RSKR: variants seen among roughly 807,000 people sequenced by gnomAD.
RSKR encodes the protein ribosomal protein S6 kinase related.
RSKR carries 44 observed loss-of-function variants against 56.8 expected under a neutral mutation model. The ratio of observed to expected loss-of-function variants is 0.77; its 90% CI spans 0.61 to 1.00. The LOEUF (loss-of-function observed/expected upper bound fraction) is 1.00. Among genes scored for constraint, RSKR ranks in the 50% least tolerant of loss-of-function variants. The pLI is 0.00. For synonymous variants in RSKR, 181 were observed against 188.0 expected (o/e 0.96, Z 0.30); for missense variants, 510 against 506.9 (o/e 1.01, Z -0.06).
chr17:28,608,788 A>G lies in RSKR; in HGVS notation c.*1690T>C, dbSNP rs2070775653. Reference sequence around the variant, plus strand: ...CTCAATCTAGAGACAAAATTAATAAATAGAACTAAAGAGTACTCTCCAGAC... The same window carrying G: ...CTCAATCTAGAGACAAAATTAATAAGTAGAACTAAAGAGTACTCTCCAGAC... On this transcript the variant is annotated 3_prime_UTR_variant, in exon 12 of 12. Coordinates refer to ENST00000301037, the MANE Select transcript of RSKR (RefSeq NM_001174103.2). 1 of 152,196 alleles carries G rather than the reference A, an allele frequency of 6.6e-6. No individual in the cohort carries two copies. 9.4% of individuals were successfully genotyped at this position (152,196 alleles called of 1,614,324 possible).
In RSKR at chr17:28,611,755, G is replaced by T. The variant is rs771775124; in HGVS notation, c.721+13C>A. The T allele has an allele frequency of 3.1e-6, 5 of 1,614,002 alleles. No individual in the cohort carries two copies. Among genetic ancestry groups the T allele is most frequent in the Non-Finnish European group, 4.2e-6 (5 of 1,180,004 alleles). On this transcript the variant is annotated intron_variant, in intron 8 of 11. Transcript: ENST00000301037. ...ACCTCTCATCCTGGGGCTAAGGAAG[G>T]AAAAAGACTTACCTCGTTCATCTAG...
At chr17:28,611,534 C>A in intron 9 of RSKR, 33 bp downstream of exon 9, 1 of 1,563,810 alleles carries the variant, frequency 6.4e-7, no homozygotes, top group South Asian at 1.2e-5. Context: ...TCCTCCTGCC[C>A]AATGCTTACC....
At chr17:28,613,204 C>T in intron 3 of RSKR, 58 bp from the exon 4 acceptor site, 1 of 1,613,388 alleles carries the variant, frequency 6.2e-7, no homozygotes, top group Non-Finnish European at 8.5e-7. Flanking sequence ...TTTATTCCTC[C>T]CAACCTCTCT....
Position 28,611,224 on chromosome 17 carries a change from C to G in RSKR, c.930G>C (p.Val310=). The G allele has an allele frequency of 6.5e-7, 1 of 1,536,178 alleles. No homozygotes were observed. The highest frequency in any genetic ancestry group is 1.2e-5 in the South Asian group (1 of 84,068). The change falls in exon 11 of 12, where the codon GTG becomes GTC. Residue 310 remains valine (V), a synonymous_variant. Transcript: ENST00000301037. ...KFPVAAERDH[V]AMLASVTHSD... ...TGTGGGTCACACTTGCCAACATGGC[C>G]ACATGATCTCTCTCTGCAGCCACTG...
intron 5 of RSKR, 125 bp downstream of exon 5, chr17:28,612,492 CT>C: frequency 7.2e-7 from 1 of 1,387,616 alleles, no homozygotes; most frequent in Non-Finnish European, 1.0e-6. Context: ...GTTCCCCTCC[CT>C]TTGGGACAGA....
At position 28,612,034 on chromosome 17, in the gene RSKR, TTAAC is replaced by T. The variant is rs1430625922; in HGVS notation, c.693+6_693+9del. On this transcript the variant is annotated splice_donor_region_variant and intron_variant, in intron 7 of 11. Coordinates refer to ENST00000301037, the MANE Select transcript of RSKR (RefSeq NM_001174103.2). ...TTCTCAGACAAAGGGAAAAAAGCAC[TTAAC>T]TCTACCTTCACATCTCGATGCATGA... 6.2e-7 allele frequency: 1 copy of T among 1,614,090 alleles called. No individual in the cohort carries two copies. Among genetic ancestry groups the T allele is most frequent in the African/African-American group, 1.3e-5 (1 of 74,928 alleles).
intron 2 of RSKR, 26 bp from the exon 3 acceptor site, chr17:28,613,371 C>A: frequency 6.2e-7 from 1 of 1,614,144 alleles, no homozygotes; most frequent in Non-Finnish European, 8.5e-7. Context: ...GAGAACAGGC[C>A]AGTTGAGACT....
In RSKR at chr17:28,613,270, C is replaced by T; in HGVS notation, c.400G>A (p.Ala134Thr). Residue 134 changes from alanine to threonine, a missense_variant, in exon 3 of 12, where the codon GCA becomes ACA. Transcript: ENST00000301037. ...VLDCTQKAVF[A>T]VKVVPKVKVL... is the part of the protein sequence containing the mutation. Reference sequence around the variant, plus strand: ...GGTATCTACGCCCCTACCTTCACTGCAAATACAGCTTTCTGGGTGCAATCT... The same window carrying T: ...GGTATCTACGCCCCTACCTTCACTGTAAATACAGCTTTCTGGGTGCAATCT... 1 of 1,614,176 alleles carries T rather than the reference C, an allele frequency of 6.2e-7. No homozygotes were observed. Among genetic ancestry groups the T allele is most frequent in the Non-Finnish European group, 8.5e-7 (1 of 1,180,038 alleles).
Position 28,611,479 on chromosome 17 carries a change from G to A in RSKR, c.814C>T (p.Pro272Ser), listed in dbSNP as rs1311133129. ...TAAGGTCCTCCACTTAGGACCTCTG[G>A]GGCTACAGATTTCAAAGATACTCAT... ...TICGTLQYMA[P>S]EVLSGGPYNH... Residue 272 changes from proline to serine, a missense_variant and splice_region_variant, in exon 10 of 12, where the codon CCA becomes TCA. Coordinates refer to ENST00000301037, the MANE Select transcript of RSKR (RefSeq NM_001174103.2). The A allele has an allele frequency of 6.3e-7, 1 of 1,595,982 alleles. No homozygotes were observed. The highest frequency in any genetic ancestry group is 1.4e-5 in the African/African-American group (1 of 73,762).
chr17:28,610,219 T>G lies in RSKR; in HGVS notation c.*259A>C. ...CTGAGGGTAAAGAGCACTGGAGAAG[T>G]AAAGAAAAGGAAAAGGTCACCACCC... On this transcript the variant is annotated 3_prime_UTR_variant, in exon 12 of 12. Transcript: ENST00000301037. The G allele has an allele frequency of 4.5e-6, 2 of 447,198 alleles. No individual in the cohort carries two copies. The highest frequency in any genetic ancestry group is 3.2e-5 in the South Asian group (1 of 31,700). 27.7% of individuals were successfully genotyped at this position (447,198 alleles called of 1,614,324 possible).
In RSKR at chr17:28,610,523, A is replaced by G; in HGVS notation, c.1188T>C (p.Phe396=). ...GCAAGAAGGACTCCAGATCACAGTC[A>G]AAGTCGTCAAAGGGCATGGTCTCCG... ...SSAETMPFDD[F]DCDLESFLLY... is the part of the protein sequence containing the mutation. Residue 396 remains phenylalanine (F), a synonymous_variant, in exon 12 of 12, where the codon TTT becomes TTC. Coordinates refer to ENST00000301037, the MANE Select transcript of RSKR (RefSeq NM_001174103.2). 6.5e-7 allele frequency: 1 copy of G among 1,536,078 alleles called. No homozygotes were observed. The highest frequency in any genetic ancestry group is 8.7e-7 in the Non-Finnish European group (1 of 1,146,882).
Position 28,612,359 on chromosome 17 carries a change from G to A in RSKR, c.555C>T (p.Ser185=). The A allele has an allele frequency of 6.2e-7, 1 of 1,614,018 alleles. No homozygotes were observed. Among genetic ancestry groups the A allele is most frequent in the Non-Finnish European group, 8.5e-7 (1 of 1,179,884 alleles). ...QGKRHLFIMC[S]YCSTDLYSLW... is the part of the protein sequence containing the mutation. ...GGGAGTACAGATCTGTGCTGCAGTA[G>A]CTACACACTGCAAAGCCAGTGTGGA... is the stretch of plus-strand genomic sequence containing the variant. Residue 185 remains serine (S), a synonymous_variant, in exon 6 of 12, where the codon AGC becomes AGT. Coordinates refer to ENST00000301037, the MANE Select transcript of RSKR (RefSeq NM_001174103.2).
Position 28,610,340 on chromosome 17 carries a change from TG to T in RSKR, c.*137del. The T allele has an allele frequency of 1.3e-6, 1 of 783,138 alleles. No individual in the cohort carries two copies. The highest frequency in any genetic ancestry group is 2.0e-6 in the Non-Finnish European group (1 of 499,864). 48.5% of individuals were successfully genotyped at this position (783,138 alleles called of 1,614,324 possible). A position where few individuals can be genotyped will look rare whatever the true frequency, so the allele number is the denominator to read the frequency against. ...TAGCAGAATGTCCAGGTTGGAACTC[TG>T]GTCTAAAGCCTAGGAGAGCAGAACG... On this transcript the variant is annotated 3_prime_UTR_variant, in exon 12 of 12. Coordinates refer to ENST00000301037, the MANE Select transcript of RSKR (RefSeq NM_001174103.2).
rs55990357 is a variant in RSKR at position 28,613,470 on chromosome 17, A to G, written c.294T>C (p.Ile98=). 1.5e-3 allele frequency: 2,344 copies of G among 1,614,158 alleles called. 4 individuals carry two copies. Among genetic ancestry groups the G allele is most frequent in the Non-Finnish European group, 1.8e-3 (2,144 of 1,180,006 alleles). Residue 98 remains isoleucine, a synonymous_variant, in exon 2 of 12, where the codon ATT becomes ATC. Transcript: ENST00000301037. The stretch of plus-strand genomic sequence containing the variant: ...GCTGCTGCTGCCCCCTAATGGGCCT[A>G]ATGGGAAACTCTGGTAGAAAGAGGT... The part of the protein sequence containing the change: ...FINLFLPEFP[I]RPIRGQQQLK...
chr17:28,611,351 G>T, intron 10 of RSKR, 42 bp downstream of exon 10: 1 of 1,537,294 alleles, frequency 6.5e-7, no homozygotes, highest in South Asian at 1.2e-5. Context: ...CCCACCACAA[G>T]GCAAAGCTCT....
chr17:28,613,509 C>A lies in RSKR; in HGVS notation c.255G>T (p.Val85=). ...GTAGAAAGAGGTTGATGAACTGAGG[C>A]ACTGGCCACTCTGGCAGAGGCTTCT... The part of the protein sequence containing the change: ...LVEKPLPEWP[V]PQFINLFLPE... Residue 85 remains valine, a synonymous_variant, in exon 2 of 12, where the codon GTG becomes GTT. Transcript: ENST00000301037. 1 of 1,614,234 alleles carries A rather than the reference C, an allele frequency of 6.2e-7. No homozygotes were observed. Among genetic ancestry groups the A allele is most frequent in the Non-Finnish European group, 8.5e-7 (1 of 1,180,036 alleles).
intron 7 of RSKR, 36 bp downstream of exon 7, chr17:28,612,008 T>C (rs2070822383): frequency 6.2e-7 from 1 of 1,614,160 alleles, no homozygotes; most frequent in East Asian, 2.2e-5. Context: ...ATTGAGACTC[T>C]TTCTCAGACA....
chr17:28,610,841 G>C, intron 11 of RSKR, 142 bp from the exon 12 acceptor site: 2 of 871,842 alleles, frequency 2.3e-6, no homozygotes, highest in Non-Finnish European at 3.4e-6. Context: ...GTAAAAGAGG[G>C]AGAAATAGAG....
chr17:28,609,822 G>T lies in RSKR; in HGVS notation c.*656C>A, dbSNP rs1027903027. 2 of 151,446 alleles carry T rather than the reference G, an allele frequency of 1.3e-5. No homozygotes were observed. Among genetic ancestry groups the T allele is most frequent in the African/African-American group, 4.9e-5 (2 of 41,132 alleles). The allele number at this position is 151,446 out of a possible 1,614,324, so 9.4% of individuals were successfully genotyped here. On this transcript the variant is annotated 3_prime_UTR_variant, in exon 12 of 12. Coordinates refer to ENST00000301037, the MANE Select transcript of RSKR (RefSeq NM_001174103.2). The stretch of plus-strand genomic sequence containing the variant: ...AATTCCAGCACTTTGGGAGGCCAAG[G>T]CAGGCCGATCACTTGAGGTCAGGAG...
Sources: allele counts gnomAD v4.1 joint callset, GRCh38; gene constraint gnomAD v4.1.1; transcripts MANE v1.5; gene names NCBI Gene and HGNC (gene_info 2026-07-23, HGNC 2026-07-21).